Variants in CSE1L observed in about 807,000 individuals in gnomAD.
The protein encoded by CSE1L is exportin-2.
Under a neutral mutation model 120.4 loss-of-function variants are expected in CSE1L, and 24 were observed. The ratio of observed to expected loss-of-function variants is 0.20; its 90% CI spans 0.14 to 0.28. CSE1L has a LOEUF of 0.28. CSE1L is among the 10% of genes least tolerant of loss of function. The pLI, the probability that CSE1L is intolerant of heterozygous loss-of-function variation, is 1.00. For synonymous variants in CSE1L, 402 were observed against 398.3 expected, an observed-to-expected ratio of 1.01 and a Z score of -0.11; for missense variants, 830 against 1,145.2, an observed-to-expected ratio of 0.72 and a Z score of 3.97.
chr20:49,063,138 A>G, intron 2 of CSE1L, 64 bp from the exon 3 acceptor site: 1 of 859,576 alleles, frequency 1.2e-6, no homozygotes, highest in Middle Eastern at 4.0e-4. Context: ...ATATATATAT[A>G]TTTGATATAT....
At chr20:49,068,853 C>A in intron 7 of CSE1L, 31 bp downstream of exon 7, 1 of 1,398,752 alleles carries the variant, frequency 7.1e-7, no homozygotes, top group Non-Finnish European at 1.0e-6. Context: ...GCTTTTGGTT[C>A]TTACTCTTTG....
chr20:49,059,003 T>A (rs529604081), intron 2 of CSE1L, among the ~76,000 whole-genome samples: 1 of 151,864 alleles, frequency 6.6e-6, no homozygotes, highest in East Asian at 1.9e-4. Context: ...TGGTGGCGGG[T>A]GCCTGTGGTC....
intron 22 of CSE1L, among the ~76,000 whole-genome samples, chr20:49,093,419 C>A (rs1177203761): frequency 6.6e-6 from 1 of 151,936 alleles, no homozygotes; most frequent in African/African-American, 2.4e-5. Context: ...GAATGATTGG[C>A]CGAATTATTT....
chr20:49,055,735 T>G (rs1237485552), intron 1 of CSE1L, among the ~76,000 whole-genome samples: 1 of 152,132 alleles, frequency 6.6e-6, no homozygotes, highest in African/African-American at 2.4e-5. Context: ...TAATAAAATT[T>G]TTTAAATTCC....
At chr20:49,079,817 T>C (rs542918429) in intron 14 of CSE1L, among the ~76,000 whole-genome samples, 67 of 152,270 alleles carry the variant, frequency 4.4e-4, no homozygotes, top group African/African-American at 1.5e-3. Flanking sequence ...TGGTGGCTTG[T>C]GCCTGTAATC....
chr20:49,049,232 T>G (rs1240495239), intron 1 of CSE1L, among the ~76,000 whole-genome samples: 2 of 150,542 alleles, frequency 1.3e-5, no homozygotes, highest in African/African-American at 4.9e-5. Context: ...CTCCCTCCCT[T>G]TTTTTTTTGG....
At chr20:49,050,200 T>TTTTTA (rs563854131) in intron 1 of CSE1L, among the ~76,000 whole-genome samples, 7,366 of 146,518 alleles carry the variant, frequency 0.05, 523 homozygotes, top group African/African-American at 0.15. Flanking sequence ...TATTTATTTA[T>TTTTTA]TTTTATTTTA....
Position 49,076,999 on chromosome 20 carries a change from A to G in CSE1L, c.1355A>G (p.Asn452Ser). Residue 452 changes from asparagine to serine, a missense_variant, in exon 13 of 25, where the codon AAT (asparagine) becomes AGT (serine). Physicochemically the swap from Asn to Ser is conservative, Grantham distance 46. Transcript: ENST00000262982. ...QTQKHGITQA[N>S]ELVNLTEFFV... ...TTTCAGCATGGAATTACACAAGCAA[A>G]TGAACTTGTAAACCTAACTGAGTTC... 1.2e-6 allele frequency: 2 copies of G among 1,605,488 alleles called. No individual in the cohort carries two copies. The highest frequency in any genetic ancestry group is 1.1e-5 in the South Asian group (1 of 88,958).
chr20:49,048,132 G>A (rs1342794080), intron 1 of CSE1L, among the ~76,000 whole-genome samples: 1 of 147,914 alleles, frequency 6.8e-6, no homozygotes, highest in Non-Finnish European at 1.5e-5. Context: ...GCCTTTCTCT[G>A]TGTGTGTCTC....
intron 10 of CSE1L, 135 bp from the exon 11 acceptor site, chr20:49,074,650 T>A: frequency 1.7e-6 from 1 of 581,358 alleles, no homozygotes; most frequent in Non-Finnish European, 3.0e-6. Context: ...ATTAAGAGTA[T>A]ATGAAGTAGT....
chr20:49,049,988 C>A (rs929878442), intron 1 of CSE1L, among the ~76,000 whole-genome samples: 2 of 152,136 alleles, frequency 1.3e-5, no homozygotes, highest in Non-Finnish European at 2.9e-5. Context: ...AATTACACCA[C>A]TGCATTTCTC....
intron 1 of CSE1L, among the ~76,000 whole-genome samples, chr20:49,046,692 G>A (rs981233382): frequency 6.6e-6 from 1 of 152,242 alleles, no homozygotes; most frequent in Non-Finnish European, 1.5e-5. Context: ...ACTGAGGCGC[G>A]GCCTAACGCG....
At position 49,071,252 on chromosome 20, in the gene CSE1L, TTAA is replaced by T. The variant is rs561106615; in HGVS notation, c.768+958_768+960del. ...GATTTTGTCTCAGAGTTTGACTATA[TTAA>T]TAGGAACTTTAAAAGATGTAGCTCT... On this transcript the variant is annotated intron_variant, in intron 8 of 24. Transcript: ENST00000262982. Among the ~76,000 whole-genome samples the T allele has an allele frequency of 1.7e-4, 26 of 152,290 alleles. 1 individual carries two copies. Among genetic ancestry groups the T allele is most frequent in the South Asian group, 6.2e-4 (3 of 4,826 alleles).
chr20:49,081,338 C>G (rs1600538441), intron 14 of CSE1L, among the ~76,000 whole-genome samples: 1 of 152,268 alleles, frequency 6.6e-6, no homozygotes, highest in South Asian at 2.1e-4. Context: ...GGCTGGAGTG[C>G]AGTGACATGA....
At chr20:49,085,886 T>C (rs537428022) in intron 16 of CSE1L, among the ~76,000 whole-genome samples, 29 of 152,266 alleles carry the variant, frequency 1.9e-4, no homozygotes, top group African/African-American at 7.0e-4. Flanking sequence ...TAATTTGATA[T>C]GGAACTTCTC....
In CSE1L at chr20:49,094,851, A is replaced by G. The variant is rs1022383554; in HGVS notation, c.2714A>G (p.Gln905Arg). 3.1e-6 allele frequency: 5 copies of G among 1,614,002 alleles called. No homozygotes were observed. Among genetic ancestry groups the G allele is most frequent in the Non-Finnish European group, 4.2e-6 (5 of 1,180,016 alleles). Reference protein sequence around the residue: ...DTPGYQTAFSQLAFAGKKEHD... With the variant: ...DTPGYQTAFSRLAFAGKKEHD... ...CCAGGATATCAGACTGCCTTCTCAC[A>G]GTTGGCATTTGCTGGGAAAAAAGAG... is the stretch of plus-strand genomic sequence containing the variant. The change falls in exon 24 of 25, where the codon CAG becomes CGG. Residue 905 changes from glutamine (Q) to arginine (R), a missense_variant. By Grantham distance (43) the Gln-to-Arg change is conservative (BLOSUM62 1). Around this residue, in one of 4 missense-constraint regions of CSE1L, gnomAD observed 112 missense variants for 200.0 expected, o/e 0.56. Transcript: ENST00000262982.
In CSE1L at chr20:49,051,089, C is replaced by T. The variant is rs980383532; in HGVS notation, c.-12+4666C>T. The stretch of plus-strand genomic sequence containing the variant: ...CCCTACTATCAGTGGAGTTTACAAT[C>T]TAGTGAAGAGAGAAGCACAGTAAAT... On this transcript the variant is annotated intron_variant, in intron 1 of 24. Coordinates refer to ENST00000262982, the MANE Select transcript of CSE1L (RefSeq NM_001316.4). Among the ~76,000 whole-genome samples the T allele has an allele frequency of 3.3e-5, 5 of 152,248 alleles. No individual in the cohort carries two copies. The South Asian group carries it at 1.0e-3, about 32-fold the overall frequency.
At chr20:49,092,563 A>G (rs191430780) in intron 22 of CSE1L, among the ~76,000 whole-genome samples, 1 of 151,972 alleles carries the variant, frequency 6.6e-6, no homozygotes, top group Non-Finnish European at 1.5e-5. Context: ...AACAGCAGAA[A>G]ACACCACATG....
At position 49,090,551 on chromosome 20, in the gene CSE1L, C is replaced by T. The variant is rs560360475; in HGVS notation, c.2182-191C>T. ...AGCCTGGGCAACAAGAGTGAAACTC[C>T]GTCTCAAAGAAAAAAAAAATTACTT... On this transcript the variant is annotated intron_variant, in intron 19 of 24. Transcript: ENST00000262982. Among the ~76,000 whole-genome samples the T allele has an allele frequency of 7.2e-5, 11 of 151,964 alleles. No individual in the cohort carries two copies. In the South Asian group the frequency reaches 1.7e-3, roughly 23 times the overall value.
Sources: allele counts gnomAD v4.1 joint callset (sites outside exome capture counted in the v4.1 genomes callset), GRCh38; gene constraint gnomAD v4.1.1; regional missense constraint gnomAD v4.1.1; transcripts MANE v1.5; gene names NCBI Gene and HGNC (gene_info 2026-07-23, HGNC 2026-07-21).